Variants in TAS2R1 observed in about 807,000 individuals in gnomAD.
TAS2R1 encodes taste receptor type 2 member 1.
For synonymous variants in TAS2R1, 141 were observed against 134.2 expected (o/e 1.05, Z -0.35); for missense variants, 370 against 353.4 (o/e 1.05, Z -0.38).
intron 1 of TAS2R1, among the ~76,000 whole-genome samples, chr5:9,706,020 C>G (rs974888809): frequency 2.6e-5 from 4 of 152,150 alleles, no homozygotes; most frequent in African/African-American, 9.7e-5. Flanking sequence ...ATGGAAGAAG[C>G]TAGAAGTCCC....
chr5:9,846,070 C>G, the TAS2R1 span, among the ~76,000 whole-genome samples: 1 of 152,080 alleles, frequency 6.6e-6, no homozygotes, highest in Non-Finnish European at 1.5e-5. Context: ...GGGCAATAAA[C>G]TATTTTTTAA....
chr5:9,737,588 C>A, the TAS2R1 span, among the ~76,000 whole-genome samples: 1 of 152,108 alleles, frequency 6.6e-6, no homozygotes, highest in Non-Finnish European at 1.5e-5. Flanking sequence ...GAAATATGAG[C>A]CCAGCCTGCC....
the TAS2R1 span, among the ~76,000 whole-genome samples, chr5:9,754,220 A>G: frequency 6.6e-6 from 1 of 152,214 alleles, no homozygotes; most frequent in African/African-American, 2.4e-5. Flanking sequence ...CTTCATGCTA[A>G]AAACTCTCAA....
At chr5:9,744,750 C>T in the TAS2R1 span, among the ~76,000 whole-genome samples, 1 of 152,124 alleles carries the variant, frequency 6.6e-6, no homozygotes, top group South Asian at 2.1e-4. Flanking sequence ...AAACAAAGCA[C>T]AAAGTGTTCT....
chr5:9,763,322 G>A, the TAS2R1 span, among the ~76,000 whole-genome samples: 1 of 152,106 alleles, frequency 6.6e-6, no homozygotes, highest in African/African-American at 2.4e-5. Context: ...GGTCAATATG[G>A]TAAAACTCCA....
chr5:9,790,523 T>C, the TAS2R1 span, among the ~76,000 whole-genome samples: 6 of 152,216 alleles, frequency 3.9e-5, no homozygotes. Flanking sequence ...ATTTGTAAGA[T>C]GCATCTCACT....
At chr5:9,851,035 T>A in the TAS2R1 span, among the ~76,000 whole-genome samples, 1 of 152,146 alleles carries the variant, frequency 6.6e-6, no homozygotes, top group East Asian at 1.9e-4. Context: ...GAGTTCAGAT[T>A]TAAGGCATTT....
At chr5:9,683,043 C>T (rs1273781356) in intron 1 of TAS2R1, among the ~76,000 whole-genome samples, 2 of 152,126 alleles carry the variant, frequency 1.3e-5, no homozygotes, top group African/African-American at 4.8e-5. Context: ...TAGTCTAATA[C>T]AAAATACAAG....
the TAS2R1 span, among the ~76,000 whole-genome samples, chr5:9,864,391 G>A: frequency 4.6e-5 from 7 of 152,248 alleles, no homozygotes; most frequent in Non-Finnish European, 1.0e-4. Context: ...ACTTTGGGAG[G>A]CTGAGACAGG....
At chr5:9,686,140 C>T (rs531377801) in intron 1 of TAS2R1, among the ~76,000 whole-genome samples, 60 of 152,336 alleles carry the variant, frequency 3.9e-4, no homozygotes, top group Non-Finnish European at 6.0e-4. Flanking sequence ...GCTGGGATTA[C>T]AGGCGTGTGC....
intron 2 of TAS2R1, among the ~76,000 whole-genome samples, chr5:9,647,927 G>C (rs1380514816): frequency 6.6e-6 from 1 of 152,080 alleles, no homozygotes; most frequent in African/African-American, 2.4e-5. Flanking sequence ...TTCATGGTGG[G>C]GCTTTTAGTC....
chr5:9,769,437 G>A, the TAS2R1 span, among the ~76,000 whole-genome samples: 3,282 of 152,212 alleles, frequency 0.022, 44 homozygotes, highest in Non-Finnish European at 0.033. Context: ...CTAGCAGTGG[G>A]ATTGCTGGAT....
At chr5:9,703,059 A>T (rs1199909307) in intron 1 of TAS2R1, among the ~76,000 whole-genome samples, 2 of 152,208 alleles carry the variant, frequency 1.3e-5, no homozygotes, top group Non-Finnish European at 2.9e-5. Flanking sequence ...AGGCACAGGG[A>T]CCACAGTTGG....
chr5:9,801,178 G>A, the TAS2R1 span, among the ~76,000 whole-genome samples: 1 of 152,342 alleles, frequency 6.6e-6, no homozygotes, highest in African/African-American at 2.4e-5. Context: ...GCGACAAAGT[G>A]AGAGAGAAAC....
the TAS2R1 span, among the ~76,000 whole-genome samples, chr5:9,802,687 G>T: frequency 6.6e-6 from 1 of 152,154 alleles, no homozygotes; most frequent in South Asian, 2.1e-4. Context: ...CGGATCACAA[G>T]ATCAGGAGAT....
chr5:9,720,242 A>C, the TAS2R1 span, among the ~76,000 whole-genome samples: 2 of 152,234 alleles, frequency 1.3e-5, no homozygotes, highest in African/African-American at 4.8e-5. Context: ...AGCATTCAAC[A>C]AAAAGCACTT....
At chr5:9,651,404 C>A (rs1740302965) in intron 2 of TAS2R1, among the ~76,000 whole-genome samples, 1 of 152,030 alleles carries the variant, frequency 6.6e-6, no homozygotes, top group South Asian at 2.1e-4. Flanking sequence ...AAATAGGCAA[C>A]AAAAGACTTT....
chr5:9,860,743 G>A, the TAS2R1 span, among the ~76,000 whole-genome samples: 1 of 152,208 alleles, frequency 6.6e-6, no homozygotes, highest in Non-Finnish European at 1.5e-5. Flanking sequence ...CAGTCCTTAA[G>A]GCAAAGTTAC....
intron 1 of TAS2R1, among the ~76,000 whole-genome samples, chr5:9,711,821 C>G (rs1344947772): frequency 8.2e-6 from 1 of 122,152 alleles, no homozygotes; most frequent in Non-Finnish European, 1.8e-5. Context: ...TGCTACCACA[C>G]CTGGCTAATT....
Sources: gnomAD v4.1 joint callset for allele counts (sites outside exome capture counted in the v4.1 genomes callset) on GRCh38, gnomAD v4.1.1 for gene constraint, MANE v1.5 for transcripts, NCBI Gene and HGNC (gene_info 2026-07-23, HGNC 2026-07-21) for gene names.